SLC47A1: variants seen among roughly 807,000 people sequenced by gnomAD.
SLC47A1 encodes multidrug and toxin extrusion protein 1.
Under a neutral mutation model 65.8 loss-of-function variants are expected in SLC47A1, and 58 were observed. The ratio of observed to expected loss-of-function variants is 0.88; its 90% CI spans 0.71 to 1.10. The LOEUF (loss-of-function observed/expected upper bound fraction) is 1.10, where lower values mean the gene tolerates loss of function less well. SLC47A1 is among the 50% of genes least tolerant of loss of function. The pLI is 0.00. For synonymous variants in SLC47A1, 285 were observed against 295.0 expected, an observed-to-expected ratio of 0.97 and a Z score of 0.35; for missense variants, 706 against 719.2, an observed-to-expected ratio of 0.98 and a Z score of 0.21.
chr17:19,551,821 C>G (rs1916457692), intron 6 of SLC47A1, among the ~76,000 whole-genome samples: 1 of 152,224 alleles, frequency 6.6e-6, no homozygotes, highest in Admixed American at 6.5e-5. Flanking sequence ...GCTCCTAAGA[C>G]AGAGCGCAGG....
rs150632967 is a variant in SLC47A1 at position 19,548,042 on chromosome 17, G to A, written c.364G>A (p.Val122Ile). 1,765 of 1,614,116 alleles carry A rather than the reference G, an allele frequency of 1.1e-3. 9 individuals carry two copies. The highest frequency in any genetic ancestry group is 2.8e-3 in the Admixed American group (171 of 60,020). Residue 122 changes from valine to isoleucine, a missense_variant, in exon 4 of 17, where the codon GTC becomes ATC. By Grantham distance (29) the Val-to-Ile change is conservative. Coordinates refer to ENST00000270570, the MANE Select transcript of SLC47A1 (RefSeq NM_018242.3). ...CGTGATCCTGCAGCGGAGTGCGCTC[G>A]TCCTGCTCCTCTGCTGCTTCCCCTG... ...VGVILQRSAL[V>I]LLLCCFPCWA...
chr17:19,536,519 TGA>T (rs367988969), intron 1 of SLC47A1, among the ~76,000 whole-genome samples: 2 of 152,196 alleles, frequency 1.3e-5, no homozygotes, highest in African/African-American at 2.4e-5. Flanking sequence ...ATCTCACCGC[TGA>T]GAGGTAATTT....
intron 1 of SLC47A1, among the ~76,000 whole-genome samples, chr17:19,541,103 A>C (rs143348589): frequency 8.3e-4 from 127 of 152,172 alleles, no homozygotes; most frequent in African/African-American, 2.8e-3. Context: ...TCTAGAACCT[A>C]AGTCATTGGA....
At chr17:19,575,021 T>C (rs1191314770) in intron 16 of SLC47A1, among the ~76,000 whole-genome samples, 2 of 152,172 alleles carry the variant, frequency 1.3e-5, no homozygotes, top group South Asian at 2.1e-4. Flanking sequence ...TTTTGTTAAG[T>C]GTGAGCTGGT....
chr17:19,546,593 C>T lies in SLC47A1; in HGVS notation c.306+90C>T, dbSNP rs548629707. ...AGCTCCACTGGCAGGAAGAGTTCAG[C>T]AGCCAGCACTTGCAGCACCTATCAG... On this transcript the variant is annotated intron_variant, in intron 3 of 16. Coordinates refer to ENST00000270570, the MANE Select transcript of SLC47A1 (RefSeq NM_018242.3). 14 of 1,278,270 alleles carry T rather than the reference C, an allele frequency of 1.1e-5. No homozygotes were observed. The East Asian group carries it at 3.4e-4, about 31-fold the overall frequency. 79.2% of individuals were successfully genotyped at this position (1,278,270 alleles called of 1,614,324 possible).
intron 12 of SLC47A1, among the ~76,000 whole-genome samples, chr17:19,563,000 A>G (rs2084325215): frequency 6.6e-6 from 1 of 152,044 alleles, no homozygotes; most frequent in African/African-American, 2.4e-5. Context: ...ACTTTGCACA[A>G]CTTTTTCCAA....
intron 1 of SLC47A1, among the ~76,000 whole-genome samples, chr17:19,536,861 C>T (rs1420256931): frequency 6.6e-6 from 1 of 152,196 alleles, no homozygotes; most frequent in Non-Finnish European, 1.5e-5. Flanking sequence ...TCAAGTTAAC[C>T]CTGACCCTTG....
In SLC47A1 at chr17:19,533,871, T is replaced by TATCC. The variant is rs1567963613; in HGVS notation, c.-68_-67insTCCA. 1.5e-5 allele frequency: 21 copies of TATCC among 1,366,132 alleles called. No individual in the cohort carries two copies. The highest frequency in any genetic ancestry group is 3.8e-6 in the Non-Finnish European group (4 of 1,054,208). The allele number at this position is 1,366,132 out of a possible 1,614,324, so 84.6% of individuals were successfully genotyped here. A position where few individuals can be genotyped will look rare whatever the true frequency, so the allele number is the denominator to read the frequency against. ...CGGTACCCACTGCCGGCCTGCGCGG[T>TATCC]ACTCACTGCCGGCCTCCGCGGTACC... On this transcript the variant is annotated 5_prime_UTR_variant, in exon 1 of 17. Coordinates refer to ENST00000270570, the MANE Select transcript of SLC47A1 (RefSeq NM_018242.3).
intron 16 of SLC47A1, among the ~76,000 whole-genome samples, chr17:19,573,948 A>C (rs1173795383): frequency 1.4e-5 from 2 of 142,820 alleles, no homozygotes; most frequent in Non-Finnish European, 3.0e-5. Context: ...TTTTAAAAGC[A>C]GTCTCACCCT....
At chr17:19,544,112 T>C (rs531554106) in intron 2 of SLC47A1, among the ~76,000 whole-genome samples, 21 of 152,088 alleles carry the variant, frequency 1.4e-4, no homozygotes, top group Non-Finnish European at 2.4e-4. Context: ...ACCCAGCTAA[T>C]TTTTTGTATT....
At chr17:19,552,255 C>G (rs3794804) in intron 6 of SLC47A1, among the ~76,000 whole-genome samples, 7,984 of 152,252 alleles carry the variant, frequency 0.052, 344 homozygotes, top group East Asian at 0.17. Flanking sequence ...GTTGCCCAGG[C>G]TGGTTTCAAA....
At chr17:19,537,201 C>T (rs1476424004) in intron 1 of SLC47A1, among the ~76,000 whole-genome samples, 2 of 152,194 alleles carry the variant, frequency 1.3e-5, no homozygotes, top group African/African-American at 4.8e-5. Flanking sequence ...GGAAATGTTT[C>T]CACTTGTGTG....
At chr17:19,560,319 G>A (rs1429630307) in intron 11 of SLC47A1, 23 bp downstream of exon 11, 1 of 1,609,242 alleles carries the variant, frequency 6.2e-7, no homozygotes, top group Admixed American at 1.7e-5. Flanking sequence ...CTTTACCCGA[G>A]GCTCTTGGTG....
chr17:19,557,500 C>G (rs1916649652), intron 10 of SLC47A1: 6 of 478,106 alleles, frequency 1.3e-5, no homozygotes, highest in South Asian at 9.0e-5. Context: ...CAAGGAACAT[C>G]CTAGGAAAAA....
At chr17:19,574,072 A>G (rs1971851) in intron 16 of SLC47A1, among the ~76,000 whole-genome samples, 44,158 of 151,682 alleles carry the variant, frequency 0.29, 8,126 homozygotes, top group African/African-American at 0.52. Context: ...ATAGGCGCCC[A>G]CCACCATACC....
Position 19,534,004 on chromosome 17 carries a change from G to T in SLC47A1, c.65G>T (p.Gly22Val). Residue 22 changes from glycine to valine, a missense_variant, in exon 1 of 17, where the codon GGG (glycine) becomes GTG (valine). Physicochemically the swap from Gly to Val is moderately radical, Grantham distance 109. Coordinates refer to ENST00000270570, the MANE Select transcript of SLC47A1 (RefSeq NM_018242.3). ...CCGGAGGCCACCCTTGAGGTCCGTGGGTCGCGCTGCTTGCGGCTGTCCGCC... is the reference window on the plus strand; with the variant it reads ...CCGGAGGCCACCCTTGAGGTCCGTGTGTCGCGCTGCTTGCGGCTGTCCGCC... ...GGPEATLEVR[G>V]SRCLRLSAFR... 1.3e-6 allele frequency: 2 copies of T among 1,545,364 alleles called. No individual in the cohort carries two copies. Among genetic ancestry groups the T allele is most frequent in the Non-Finnish European group, 1.7e-6 (2 of 1,146,900 alleles).
At chr17:19,575,087 C>G (rs867568402) in intron 16 of SLC47A1, among the ~76,000 whole-genome samples, 117 of 98,110 alleles carry the variant, frequency 1.2e-3, no homozygotes, top group African/African-American at 4.0e-3. Context: ...CTCCCTTTTT[C>G]TCTCTTTCTC....
At chr17:19,571,593 C>T (rs774948704) in intron 15 of SLC47A1, 21 bp downstream of exon 15, 3 of 1,587,542 alleles carry the variant, frequency 1.9e-6, no homozygotes, top group Non-Finnish European at 2.6e-6. Flanking sequence ...TCATTCTGTC[C>T]CGGTAAAGGT....
chr17:19,546,695 G>C (rs561972720), intron 3 of SLC47A1, among the ~76,000 whole-genome samples, 192 bp downstream of exon 3: 1 of 152,104 alleles, frequency 6.6e-6, no homozygotes, highest in Non-Finnish European at 1.5e-5. Context: ...ACTAGTTTTT[G>C]TCTGCACAAC....
Sources: allele counts gnomAD v4.1 joint callset (sites outside exome capture counted in the v4.1 genomes callset), GRCh38; gene constraint gnomAD v4.1.1; transcripts MANE v1.5; gene names NCBI Gene and HGNC (gene_info 2026-07-23, HGNC 2026-07-21).